Variants in ZIC4 observed in about 807,000 individuals in gnomAD.
ZIC4 encodes the protein zinc finger protein ZIC 4.
In ZIC4, 15 loss-of-function variants were observed where a neutral mutation model predicts 28.8. The observed-to-expected ratio is 0.52, with a 90% CI of 0.35 to 0.80. ZIC4 has a LOEUF of 0.80. Among genes scored for constraint, ZIC4 ranks in the 30% least tolerant of loss-of-function variants. ZIC4 has a pLI of 0.01. For missense variants in ZIC4, 512 were observed against 467.1 expected (o/e 1.10, Z -0.89); for synonymous variants, 220 against 198.1 (o/e 1.11, Z -0.93).
At chr3:147,393,934 C>T (rs1260503731) in intron 3 of ZIC4, 2 of 456,698 alleles carry the variant, frequency 4.4e-6, no homozygotes, top group Admixed American at 4.7e-5. Flanking sequence ...AGCCAGGCCC[C>T]GGATTCAGGT....
chr3:147,405,672 A>G (rs564150029), intron 1 of ZIC4: 1 of 637,242 alleles, frequency 1.6e-6, no homozygotes, highest in East Asian at 2.8e-5. Context: ...CCAAGTCCCG[A>G]ACCCACTGCT....
At chr3:147,403,302 T>C (rs948897478) in intron 1 of ZIC4, among the ~76,000 whole-genome samples, 10 of 152,196 alleles carry the variant, frequency 6.6e-5, no homozygotes, top group African/African-American at 2.4e-4. Flanking sequence ...TTGCAGGTTT[T>C]CAAATCCTGT....
At chr3:147,405,132 A>G (rs1016904424) in intron 1 of ZIC4, among the ~76,000 whole-genome samples, 1 of 152,080 alleles carries the variant, frequency 6.6e-6, no homozygotes, top group African/African-American at 2.4e-5. Flanking sequence ...GCCTTTACTC[A>G]TTCTCCTGTT....
In ZIC4 at chr3:147,391,086, C is replaced by T. The variant is rs368860372; in HGVS notation, c.849G>A (p.Lys283=). 30 of 1,614,010 alleles carry T rather than the reference C, an allele frequency of 1.9e-5. No individual in the cohort carries two copies. In the African/African-American group the frequency reaches 3.3e-4, roughly 18 times the overall value. ...KCYTHPSSLR[K]HMKVHGRSPP... is the part of the protein sequence containing the mutation. ...GCGAGCGCCCGTGCACCTTCATGTGCTTACGCAGCGAGCTGGGGTGCGTGT... is the reference window on the plus strand; with the variant it reads ...GCGAGCGCCCGTGCACCTTCATGTGTTTACGCAGCGAGCTGGGGTGCGTGT... The change falls in exon 4 of 5, where the codon AAG becomes AAA. Residue 283 remains lysine, a synonymous_variant. Coordinates refer to ENST00000383075, the MANE Select transcript of ZIC4 (RefSeq NM_032153.6).
intron 1 of ZIC4, chr3:147,403,846 C>T (rs1015898602): frequency 1.1e-6 from 1 of 916,380 alleles, no homozygotes. Flanking sequence ...ACAAAGATCT[C>T]TCTCTCTCTC....
chr3:147,402,669 A>G, intron 2 of ZIC4, 59 bp downstream of exon 2: 2 of 1,302,826 alleles, frequency 1.5e-6, no homozygotes, highest in Non-Finnish European at 2.1e-6. Flanking sequence ...AAAAAAAAAA[A>G]GAAGAAGAAG....
rs773788326 is a variant in ZIC4, at chr3:147,403,942, G to A, written c.-15-1130C>T. 1.0e-4 allele frequency: 159 copies of A among 1,533,492 alleles called. No individual in the cohort carries two copies. In the African/African-American group the frequency reaches 2.0e-3, roughly 19 times the overall value. The allele number at this position is 1,533,492 out of a possible 1,614,324, so 95.0% of individuals were successfully genotyped here. A position where few individuals can be genotyped will look rare whatever the true frequency, so the allele number is the denominator to read the frequency against. ...CCCCTCTTTTCTAGGTCCAGGCCTA[G>A]GAGGCAGGGGGGTAGACTCACCTTT... is the stretch of plus-strand genomic sequence containing the variant. On this transcript the variant is annotated intron_variant, in intron 1 of 4. Transcript: ENST00000383075.
rs903826844 is a variant in ZIC4 at position 147,388,627 on chromosome 3, C to A, written c.*232G>T. On this transcript the variant is annotated 3_prime_UTR_variant, in exon 5 of 5. Coordinates refer to ENST00000383075, the MANE Select transcript of ZIC4 (RefSeq NM_032153.6). ...TACTTGTATACACAAGAAAAAAGGT[C>A]TGTTAGACGTAAATATTATGTCCTT... The A allele has an allele frequency of 9.8e-6, 5 of 511,832 alleles. No homozygotes were observed. Among genetic ancestry groups the A allele is most frequent in the Admixed American group, 7.5e-5 (2 of 26,734 alleles). The allele number at this position is 511,832 out of a possible 1,614,324, so 31.7% of individuals were successfully genotyped here.
At chr3:147,398,503 C>T (rs1312700104) in intron 2 of ZIC4, among the ~76,000 whole-genome samples, 1 of 124,806 alleles carries the variant, frequency 8.0e-6, no homozygotes, top group African/African-American at 3.2e-5. Flanking sequence ...TGGCAAAAGC[C>T]GAGGGTCGGG....
Position 147,388,837 on chromosome 3 carries a change from C to T in ZIC4, c.*22G>A. ...GCTCAGCTGCGCGGAGCGAGATTAC[C>T]TTGCGAGCAACGCGGTGGACATCTG... On this transcript the variant is annotated 3_prime_UTR_variant, in exon 5 of 5. Coordinates refer to ENST00000383075, the MANE Select transcript of ZIC4 (RefSeq NM_032153.6). 1.3e-6 allele frequency: 1 copy of T among 779,890 alleles called. No individual in the cohort carries two copies. Among genetic ancestry groups the T allele is most frequent in the Non-Finnish European group, 2.4e-6 (1 of 417,878 alleles). The allele number at this position is 779,890 out of a possible 1,614,324, so 48.3% of individuals were successfully genotyped here.
Position 147,390,947 on chromosome 3 carries a change from C to A in ZIC4, c.988G>T (p.Ala330Ser), listed in dbSNP as rs775064886. The A allele has an allele frequency of 3.1e-6, 5 of 1,610,056 alleles. No individual in the cohort carries two copies. The East Asian group carries it at 1.1e-4, about 36-fold the overall frequency. ...ASSAAVAART[A>S]DLSE ...CACACGTACCATTCGCTCAAGTCGG[C>A]GGTACGCGCCGCCACCGCCGCCGAG... is the stretch of plus-strand genomic sequence containing the variant. Residue 330 changes from alanine (A) to serine (S), a missense_variant, in exon 4 of 5, where the codon GCC (alanine) becomes TCC (serine). Transcript: ENST00000383075.
At chr3:147,398,302 T>G (rs2087093505) in intron 2 of ZIC4, among the ~76,000 whole-genome samples, 1 of 152,198 alleles carries the variant, frequency 6.6e-6, no homozygotes, top group African/African-American at 2.4e-5. Flanking sequence ...GGTCCAAGCC[T>G]TCTCTGCTTC....
chr3:147,388,865 A>G lies in ZIC4; in HGVS notation c.*-6T>C. 3 of 780,278 alleles carry G rather than the reference A, an allele frequency of 3.8e-6. No individual in the cohort carries two copies. Among genetic ancestry groups the G allele is most frequent in the Non-Finnish European group, 7.2e-6 (3 of 417,986 alleles). The allele number at this position is 780,278 out of a possible 1,614,324, so 48.3% of individuals were successfully genotyped here. ...GCGAGCAACGCGGTGGACATCTGTA[A>G]CAAGCAAATGAAAAATTAAAGGCGA... On this transcript the variant is annotated splice_region_variant and splice_polypyrimidine_tract_variant and intron_variant, in intron 4 of 4. Coordinates refer to ENST00000383075, the MANE Select transcript of ZIC4 (RefSeq NM_032153.6).
rs1461913062 is a variant in ZIC4 at position 147,388,800 on chromosome 3, G to A, written c.*59C>T. 1 of 769,516 alleles carries A rather than the reference G, an allele frequency of 1.3e-6. No individual in the cohort carries two copies. The highest frequency in any genetic ancestry group is 1.7e-5 in the African/African-American group (1 of 58,502). The allele number at this position is 769,516 out of a possible 1,614,324, so 47.7% of individuals were successfully genotyped here. A position where few individuals can be genotyped will look rare whatever the true frequency, so the allele number is the denominator to read the frequency against. On this transcript the variant is annotated 3_prime_UTR_variant, in exon 5 of 5. Coordinates refer to ENST00000383075, the MANE Select transcript of ZIC4 (RefSeq NM_032153.6). ...GCGGGCCCTTTGATGTAGCAGGCGCGAGATGCGGGGCGCTCAGCTGCGCGG... is the reference window on the plus strand; with the variant it reads ...GCGGGCCCTTTGATGTAGCAGGCGCAAGATGCGGGGCGCTCAGCTGCGCGG...
intron 4 of ZIC4, among the ~76,000 whole-genome samples, chr3:147,390,149 C>G (rs900286949): frequency 1.3e-5 from 2 of 152,122 alleles, no homozygotes; most frequent in African/African-American, 4.8e-5. Context: ...CCAGGCCACT[C>G]CATAGGGGTG....
At chr3:147,394,905 G>A (rs1274780472) in intron 3 of ZIC4, among the ~76,000 whole-genome samples, 3 of 152,162 alleles carry the variant, frequency 2.0e-5, no homozygotes, top group Admixed American at 6.5e-5. Flanking sequence ...GCAAGGCACC[G>A]GGCAGTAGGA....
At position 147,392,216 on chromosome 3, in the gene ZIC4, C is replaced by T; in HGVS notation, c.689-970G>A. 4.1e-6 allele frequency: 4 copies of T among 985,726 alleles called. No individual in the cohort carries two copies. The South Asian group carries it at 1.9e-4, about 46-fold the overall frequency. 61.1% of individuals were successfully genotyped at this position (985,726 alleles called of 1,614,324 possible). Reference sequence around the variant, plus strand: ...ATCCGAGGTGTCTACCGCAACCACGCCCTTGAGCGCTGCGGCTTCGGGAAG... The same window carrying T: ...ATCCGAGGTGTCTACCGCAACCACGTCCTTGAGCGCTGCGGCTTCGGGAAG... On this transcript the variant is annotated intron_variant, in intron 3 of 4. Coordinates refer to ENST00000383075, the MANE Select transcript of ZIC4 (RefSeq NM_032153.6).
At position 147,388,206 on chromosome 3, in the gene ZIC4, T is replaced by C. The variant is rs1375127947; in HGVS notation, c.*653A>G. The stretch of plus-strand genomic sequence containing the variant: ...AGCGCAAATGTATCTTAATAGAGTG[T>C]CTGTAGTGAAGTGTGCCGCCTTTGA... On this transcript the variant is annotated 3_prime_UTR_variant, in exon 5 of 5. Coordinates refer to ENST00000383075, the MANE Select transcript of ZIC4 (RefSeq NM_032153.6). 6.5e-6 allele frequency: 1 copy of C among 152,794 alleles called. No individual in the cohort carries two copies. The highest frequency in any genetic ancestry group is 1.5e-5 in the Non-Finnish European group (1 of 68,202). 9.5% of individuals were successfully genotyped at this position (152,794 alleles called of 1,614,324 possible).
chr3:147,388,771 G>C lies in ZIC4; in HGVS notation c.*88C>G, dbSNP rs2086845511. ...CACCGTGGCGAAGAAACACTGCTTT[G>C]TGCGCGGGCCCTTTGATGTAGCAGG... On this transcript the variant is annotated 3_prime_UTR_variant, in exon 5 of 5. Coordinates refer to ENST00000383075, the MANE Select transcript of ZIC4 (RefSeq NM_032153.6). 2.7e-6 allele frequency: 2 copies of C among 751,288 alleles called. No homozygotes were observed. Among genetic ancestry groups the C allele is most frequent in the South Asian group, 2.9e-5 (2 of 69,698 alleles). The allele number at this position is 751,288 out of a possible 1,614,324, so 46.5% of individuals were successfully genotyped here. A position where few individuals can be genotyped will look rare whatever the true frequency, so the allele number is the denominator to read the frequency against.
Sources: gnomAD v4.1 joint callset for allele counts (sites outside exome capture counted in the v4.1 genomes callset) on GRCh38, gnomAD v4.1.1 for gene constraint, MANE v1.5 for transcripts, NCBI Gene and HGNC (gene_info 2026-07-23, HGNC 2026-07-21) for gene names.